Variants in SLC15A5 observed in about 807,000 individuals in gnomAD.
The protein encoded by SLC15A5 is Peptide/histidine transporter ENSP00000340402.
Under a neutral mutation model 56.1 loss-of-function variants are expected in SLC15A5, and 58 were observed. The observed-to-expected ratio is 1.03, with a 90% CI of 0.84 to 1.29. The LOEUF (loss-of-function observed/expected upper bound fraction) is 1.29. Among genes scored for constraint, SLC15A5 ranks in the 50% most tolerant of loss-of-function variants. SLC15A5 has a pLI of 0.00. For synonymous variants in SLC15A5, 264 were observed against 250.5 expected, an observed-to-expected ratio of 1.05 and a Z score of -0.51; for missense variants, 681 against 672.1, an observed-to-expected ratio of 1.01 and a Z score of -0.15.
intron 5 of SLC15A5, among the ~76,000 whole-genome samples, chr12:16,225,827 T>C (rs1864235977): frequency 6.6e-6 from 1 of 152,190 alleles, no homozygotes; most frequent in Admixed American, 6.5e-5. Context: ...AGATGTTTCC[T>C]CAACATTTGT....
intron 8 of SLC15A5, among the ~76,000 whole-genome samples, chr12:16,191,575 T>C (rs1863838616): frequency 6.6e-6 from 1 of 152,116 alleles, no homozygotes; most frequent in Admixed American, 6.6e-5. Flanking sequence ...AATAATGCTG[T>C]CCCTGGGACA....
At chr12:16,252,890 A>C (rs899324528) in intron 3 of SLC15A5, among the ~76,000 whole-genome samples, 3 of 152,192 alleles carry the variant, frequency 2.0e-5, no homozygotes, top group Non-Finnish European at 4.4e-5. Flanking sequence ...ATTTTAAAAC[A>C]TACTACAAAG....
intron 2 of SLC15A5, among the ~76,000 whole-genome samples, chr12:16,270,647 C>CT (rs1471869090): frequency 6.6e-6 from 1 of 152,128 alleles, no homozygotes; most frequent in Non-Finnish European, 1.5e-5. Flanking sequence ...GATATTCCCA[C>CT]TTTGTGGATG....
chr12:16,258,342 G>A (rs879299265), intron 2 of SLC15A5, among the ~76,000 whole-genome samples: 2 of 152,044 alleles, frequency 1.3e-5, no homozygotes, highest in Non-Finnish European at 1.5e-5. Context: ...AAATATCTGG[G>A]TTATACTTAG....
intron 5 of SLC15A5, among the ~76,000 whole-genome samples, chr12:16,228,276 G>C (rs760148038): frequency 6.6e-6 from 1 of 152,202 alleles, no homozygotes; most frequent in Non-Finnish European, 1.5e-5. Context: ...AAGAGGATTG[G>C]GGAGGGACAG....
rs1476277984 is a variant in SLC15A5 at position 16,237,904 on chromosome 12, C to T, written c.1162+1777G>A. On this transcript the variant is annotated intron_variant, in intron 5 of 8. Transcript: ENST00000344941. The surrounding 1 kb of genome is among the most constrained non-coding windows in gnomAD (Gnocchi z 4.1). ...GAAGGTATATACAAACCATGTCTTACTTTTCCTTTTTTATCTTTATTTTAC... is the reference window on the plus strand; with the variant it reads ...GAAGGTATATACAAACCATGTCTTATTTTTCCTTTTTTATCTTTATTTTAC... Among the ~76,000 whole-genome samples the T allele has an allele frequency of 6.6e-6, 1 of 152,170 alleles. No homozygotes were observed. Among genetic ancestry groups the T allele is most frequent in the Non-Finnish European group, 1.5e-5 (1 of 68,032 alleles).
chr12:16,259,004 C>CT (rs1864610176), intron 2 of SLC15A5, among the ~76,000 whole-genome samples: 1 of 69,392 alleles, frequency 1.4e-5, no homozygotes, highest in Non-Finnish European at 3.1e-5. Context: ...TTTTTTTTTT[C>CT]TTTTTCTTTT....
chr12:16,227,627 C>T (rs75545333), intron 5 of SLC15A5, among the ~76,000 whole-genome samples: 32 of 152,076 alleles, frequency 2.1e-4, no homozygotes, highest in Non-Finnish European at 2.9e-4. Context: ...GATGATGAGA[C>T]GTTCAAGTTA....
intron 8 of SLC15A5, among the ~76,000 whole-genome samples, chr12:16,193,168 G>A (rs1265256835): frequency 1.3e-5 from 2 of 152,076 alleles, no homozygotes; most frequent in African/African-American, 2.4e-5. Flanking sequence ...GAACATTCCT[G>A]TTGGACCTTT....
chr12:16,199,786 TC>T (rs1410003230), intron 7 of SLC15A5, among the ~76,000 whole-genome samples: 2 of 152,108 alleles, frequency 1.3e-5, no homozygotes, highest in African/African-American at 4.8e-5. Flanking sequence ...TAAGACATAG[TC>T]ATCCAAGAAG....
chr12:16,190,323 A>G (rs1863828560), intron 8 of SLC15A5, among the ~76,000 whole-genome samples: 1 of 152,180 alleles, frequency 6.6e-6, no homozygotes, highest in African/African-American at 2.4e-5. Flanking sequence ...GAATCATCCC[A>G]TTTCACAGAT....
At position 16,267,239 on chromosome 12, in the gene SLC15A5, A is replaced by G. The variant is rs1380997715; in HGVS notation, c.584+5322T>C. Among the ~76,000 whole-genome samples, 2 of 120,280 alleles carry G rather than the reference A, an allele frequency of 1.7e-5. 1 individual carries two copies. The highest frequency in any genetic ancestry group is 5.1e-4 in the East Asian group (2 of 3,884). 78.9% of individuals were successfully genotyped at this position (120,280 alleles called of 152,430 possible). On this transcript the variant is annotated intron_variant, in intron 2 of 8. Coordinates refer to ENST00000344941, the MANE Select transcript of SLC15A5 (RefSeq NM_001170798.1). ...GAAAGTATTTTATTCGACATTGATC[A>G]ATGTTCAGATAATTTTCCAGGGGAT...
intron 1 of SLC15A5, among the ~76,000 whole-genome samples, chr12:16,275,406 G>A (rs7315416): frequency 0.035 from 5,293 of 152,046 alleles, 320 homozygotes; most frequent in African/African-American, 0.12. Flanking sequence ...AAATTAATAA[G>A]TTTGGATTTC....
intron 7 of SLC15A5, among the ~76,000 whole-genome samples, chr12:16,212,306 T>A (rs1864091474): frequency 1.3e-5 from 2 of 152,146 alleles, no homozygotes; most frequent in Non-Finnish European, 2.9e-5. Flanking sequence ...AAAAGTGAAG[T>A]ACAATTTCCT....
At chr12:16,204,454 G>GA (rs1050484982) in intron 7 of SLC15A5, among the ~76,000 whole-genome samples, 1 of 149,974 alleles carries the variant, frequency 6.7e-6, no homozygotes, top group African/African-American at 2.4e-5. Flanking sequence ...AAAAATTGGA[G>GA]AAAAAATAAT....
chr12:16,270,449 C>G (rs775848667), intron 2 of SLC15A5, among the ~76,000 whole-genome samples: 2 of 152,156 alleles, frequency 1.3e-5, no homozygotes, highest in African/African-American at 4.8e-5. Flanking sequence ...ATAGATTACA[C>G]ATTAATAAAC....
chr12:16,239,703 T>G lies in SLC15A5; in HGVS notation c.1140A>C (p.Gly380=). ...STCLFPSKRV[G]SFLSTCIIAG... ...TACTGATGCATGTTGACAGAAATGATCCAACTCTCTTAGAGGGAAACAGGC... is the reference window on the plus strand; with the variant it reads ...TACTGATGCATGTTGACAGAAATGAGCCAACTCTCTTAGAGGGAAACAGGC... The change falls in exon 5 of 9, where the codon GGA becomes GGC. Residue 380 remains glycine, a synonymous_variant. Transcript: ENST00000344941. 1 of 1,537,130 alleles carries G rather than the reference T, an allele frequency of 6.5e-7. No homozygotes were observed. Among genetic ancestry groups the G allele is most frequent in the Non-Finnish European group, 8.7e-7 (1 of 1,146,852 alleles).
intron 8 of SLC15A5, among the ~76,000 whole-genome samples, chr12:16,191,304 T>C (rs1863836212): frequency 6.6e-6 from 1 of 152,068 alleles, no homozygotes; most frequent in Non-Finnish European, 1.5e-5. Flanking sequence ...ATCAGACTAA[T>C]ATGAACTTGG....
chr12:16,224,733 A>AT (rs372077349), intron 5 of SLC15A5, 131 bp from the exon 6 acceptor site: 91 of 956,726 alleles, frequency 9.5e-5, no homozygotes, highest in African/African-American at 7.8e-4. Flanking sequence ...TTTTTTTTTA[A>AT]TTTTTTTATT....
Sources: allele counts gnomAD v4.1 joint callset (sites outside exome capture counted in the v4.1 genomes callset), GRCh38; gene constraint gnomAD v4.1.1; non-coding constraint Gnocchi (gnomAD v3.1); transcripts MANE v1.5; gene names NCBI Gene and HGNC (gene_info 2026-07-23, HGNC 2026-07-21).